Variants in PRICKLE1 observed in about 807,000 individuals in gnomAD.
PRICKLE1 encodes the protein prickle-like protein 1.
Under a neutral mutation model 70.2 loss-of-function variants are expected in PRICKLE1, and 14 were observed. The observed-to-expected ratio is 0.20, with a 90% CI of 0.13 to 0.31. The LOEUF (loss-of-function observed/expected upper bound fraction) is 0.31. Among genes scored for constraint, PRICKLE1 ranks in the 10% least tolerant of loss-of-function variants. The pLI is 1.00. For synonymous variants in PRICKLE1, 357 were observed against 379.9 expected (o/e 0.94, Z 0.70); for missense variants, 821 against 1,026.2 (o/e 0.80, Z 2.73).
intron 1 of PRICKLE1, among the ~76,000 whole-genome samples, chr12:42,558,548 C>A (rs563182381): frequency 1.6e-3 from 237 of 152,332 alleles, no homozygotes; most frequent in African/African-American, 5.2e-3. Flanking sequence ...CCAACAGGAC[C>A]CTGCTTGCCT....
At chr12:42,470,158 G>A in intron 3 of PRICKLE1, 88 bp downstream of exon 3, 3 of 960,834 alleles carry the variant, frequency 3.1e-6, no homozygotes, top group Non-Finnish European at 5.1e-6. Context: ...CCTCGCCAGT[G>A]AGGAGTTGGG....
At chr12:42,519,287 C>T (rs945398687) in intron 1 of PRICKLE1, among the ~76,000 whole-genome samples, 7 of 146,476 alleles carry the variant, frequency 4.8e-5, no homozygotes, top group African/African-American at 1.7e-4. Context: ...ACCTCTACCT[C>T]CTGGGTTCAA....
intron 1 of PRICKLE1, among the ~76,000 whole-genome samples, chr12:42,479,941 C>T (rs1301100888): frequency 1.3e-5 from 2 of 150,904 alleles, no homozygotes; most frequent in African/African-American, 4.9e-5. Context: ...GCAACAAGAG[C>T]GAAACTCCAT....
intron 1 of PRICKLE1, among the ~76,000 whole-genome samples, chr12:42,474,272 GA>G (rs1425220889): frequency 1.3e-5 from 2 of 151,862 alleles, no homozygotes; most frequent in African/African-American, 4.8e-5. Flanking sequence ...ACTCCGTCTC[GA>G]AAAAAATAAA....
At chr12:42,478,539 C>A (rs544579631) in intron 1 of PRICKLE1, among the ~76,000 whole-genome samples, 14 of 152,126 alleles carry the variant, frequency 9.2e-5, no homozygotes, top group Non-Finnish European at 1.9e-4. Flanking sequence ...GGTGGTCAAG[C>A]ACAAGGAACT....
rs1555240597 is a variant in PRICKLE1, at chr12:42,564,268, A to AG, written c.-49+25196_-49+25197insC. Among the ~76,000 whole-genome samples, 11 of 129,308 alleles carry AG rather than the reference A, an allele frequency of 8.5e-5. 1 individual carries two copies. The highest frequency in any genetic ancestry group is 2.3e-4 in the African/African-American group (8 of 34,544). 84.8% of individuals were successfully genotyped at this position (129,308 alleles called of 152,430 possible). A position where few individuals can be genotyped will look rare whatever the true frequency, so the allele number is the denominator to read the frequency against. On this transcript the variant is annotated intron_variant, in intron 1 of 7. Transcript: ENST00000345127. Reference sequence around the variant, plus strand: ...AGACTCTGTCTAAAAAAAAAAAAAAAAAAAGAAAAGAAAAAAGAAAAAGGT... The same window carrying AG: ...AGACTCTGTCTAAAAAAAAAAAAAAAGAAAAGAAAAGAAAAAAGAAAAAGGT...
intron 1 of PRICKLE1, among the ~76,000 whole-genome samples, chr12:42,568,424 C>T (rs1427346112): frequency 6.6e-6 from 1 of 152,246 alleles, no homozygotes; most frequent in Non-Finnish European, 1.5e-5. Context: ...GACCCTCCCA[C>T]TTGGCTTCCC....
chr12:42,525,908 A>G (rs1228286315), intron 1 of PRICKLE1, among the ~76,000 whole-genome samples: 1 of 152,218 alleles, frequency 6.6e-6, no homozygotes, highest in Non-Finnish European at 1.5e-5. Context: ...GTCATATGTC[A>G]TTATGATCAA....
At chr12:42,491,023 C>T (rs545702884) in intron 1 of PRICKLE1, among the ~76,000 whole-genome samples, 10 of 151,504 alleles carry the variant, frequency 6.6e-5, no homozygotes, top group East Asian at 6.0e-4. Context: ...TACAGGTATG[C>T]GCCACCGTGC....
intron 1 of PRICKLE1, among the ~76,000 whole-genome samples, chr12:42,497,361 C>T (rs2708049): frequency 0.88 from 132,888 of 151,852 alleles, 58,309 homozygotes; most frequent in East Asian, 0.99. Flanking sequence ...CTGGCTAACA[C>T]GGTGAAACCC....
At chr12:42,567,093 T>TGC (rs1236445691) in intron 1 of PRICKLE1, among the ~76,000 whole-genome samples, 1 of 152,222 alleles carries the variant, frequency 6.6e-6, no homozygotes, top group Non-Finnish European at 1.5e-5. Flanking sequence ...GATTGAGCCA[T>TGC]TGTACCCTTG....
At chr12:42,463,458 G>A (rs1566078968) in intron 7 of PRICKLE1, among the ~76,000 whole-genome samples, 1 of 151,638 alleles carries the variant, frequency 6.6e-6, no homozygotes, top group Non-Finnish European at 1.5e-5. Flanking sequence ...GGTGGCTCAT[G>A]CCTATAATCC....
intron 1 of PRICKLE1, among the ~76,000 whole-genome samples, chr12:42,539,375 GGA>G (rs1940068814): frequency 6.6e-6 from 1 of 151,918 alleles, no homozygotes; most frequent in Non-Finnish European, 1.5e-5. Context: ...GGCTGAGGCA[GGA>G]GAATGGCATG....
rs1165371020 is a variant in PRICKLE1, at chr12:42,587,304, C to T, written c.-49+2161G>A. ...CAATATGTCTATCTCTATAAACTAT[C>T]CAGTTTTTCCTTCCTTTTTCCCTCC... is the stretch of plus-strand genomic sequence containing the variant. On this transcript the variant is annotated intron_variant, in intron 1 of 7. Transcript: ENST00000345127. 2.6e-5 allele frequency among the ~76,000 whole-genome samples: 4 copies of T among 152,266 alleles called. No homozygotes were observed. In the South Asian group the frequency reaches 8.3e-4, roughly 32 times the overall value.
At chr12:42,520,781 G>C (rs1939696283) in intron 1 of PRICKLE1, among the ~76,000 whole-genome samples, 1 of 152,198 alleles carries the variant, frequency 6.6e-6, no homozygotes, top group South Asian at 2.1e-4. Flanking sequence ...CTGAATGCAA[G>C]CTTTAAAGAA....
At chr12:42,550,978 T>A (rs1405080790) in intron 1 of PRICKLE1, among the ~76,000 whole-genome samples, 1 of 152,194 alleles carries the variant, frequency 6.6e-6, no homozygotes, top group African/African-American at 2.4e-5. Flanking sequence ...ATAGAAACCA[T>A]CTGCTTAATG....
chr12:42,546,409 ACTCT>A (rs539978032), intron 1 of PRICKLE1, among the ~76,000 whole-genome samples: 10 of 152,258 alleles, frequency 6.6e-5, no homozygotes, highest in Admixed American at 5.9e-4. Context: ...CTTAATGCTG[ACTCT>A]CTATGCTATC....
chr12:42,471,732 C>T (rs757052987), intron 2 of PRICKLE1, among the ~76,000 whole-genome samples: 9 of 152,160 alleles, frequency 5.9e-5, no homozygotes, highest in African/African-American at 1.7e-4. Flanking sequence ...TTAATAATAT[C>T]GCCAGTGATT....
At chr12:42,499,330 A>G (rs11181528) in intron 1 of PRICKLE1, among the ~76,000 whole-genome samples, 21,419 of 152,212 alleles carry the variant, frequency 0.14, 1,944 homozygotes, top group East Asian at 0.23. Flanking sequence ...ATTTGTTTTT[A>G]AAGTAGAGCT....
Sources: gnomAD v4.1 joint callset for allele counts (sites outside exome capture counted in the v4.1 genomes callset) on GRCh38, gnomAD v4.1.1 for gene constraint, MANE v1.5 for transcripts, NCBI Gene and HGNC (gene_info 2026-07-23, HGNC 2026-07-21) for gene names.